Variants in NUDT7 observed in about 807,000 individuals in gnomAD.
NUDT7 encodes nudix hydrolase 7, also known as peroxisomal coenzyme A diphosphatase NUDT7.
Under a neutral mutation model 13.1 loss-of-function variants are expected in NUDT7, and 19 were observed. That is an observed-to-expected ratio of 1.45 (90% CI 1.01 to 2.13). The LOEUF (loss-of-function observed/expected upper bound fraction) is 2.13. NUDT7 is among the 30% of genes most tolerant of loss of function. The pLI, the probability that NUDT7 is intolerant of heterozygous loss-of-function variation, is 0.00. For missense variants in NUDT7, 360 were observed against 291.7 expected, an observed-to-expected ratio of 1.23 and a Z score of -1.71; for synonymous variants, 132 against 109.7, an observed-to-expected ratio of 1.20 and a Z score of -1.27.
chr16:77,738,332 C>T (rs1458307259), intron 3 of NUDT7, among the ~76,000 whole-genome samples: 1 of 152,098 alleles, frequency 6.6e-6, no homozygotes, highest in East Asian at 1.9e-4. Flanking sequence ...TGGGAGATTC[C>T]TGGGGGCCAG....
At position 77,722,587 on chromosome 16, in the gene NUDT7, C is replaced by T; in HGVS notation, c.5C>T (p.Ser2Leu). 6.3e-7 allele frequency: 1 copy of T among 1,592,376 alleles called. No homozygotes were observed. The highest frequency in any genetic ancestry group is 8.6e-7 in the Non-Finnish European group (1 of 1,168,928). MSRLGLPEEPVR... is the reference protein window; with the variant it reads MLRLGLPEEPVR... Reference sequence around the variant, plus strand: ...AAACAAACATTCCCCAGGGCAATGTCACGACTTGGTCTTCCCGAGGAGCCA... The same window carrying T: ...AAACAAACATTCCCCAGGGCAATGTTACGACTTGGTCTTCCCGAGGAGCCA... The change falls in exon 1 of 4, where the codon TCA (serine) becomes TTA (leucine). Residue 2 changes from serine (S) to leucine (L), a missense_variant. Physicochemically the swap from Ser to Leu is moderately radical, Grantham distance 145. Coordinates refer to ENST00000268533, the MANE Select transcript of NUDT7 (RefSeq NM_001105663.3).
intron 2 of NUDT7, among the ~76,000 whole-genome samples, chr16:77,731,931 T>C (rs2014331023): frequency 6.6e-6 from 1 of 152,180 alleles, no homozygotes; most frequent in East Asian, 1.9e-4. Flanking sequence ...GTAATGTATT[T>C]GTGTTTTAAG....
chr16:77,736,651 G>T, intron 3 of NUDT7: 1 of 264,134 alleles, frequency 3.8e-6, no homozygotes, highest in Non-Finnish European at 8.1e-6. Flanking sequence ...TTTTTATAGA[G>T]ATGGGGGTCT....
chr16:77,741,931 A>T lies in NUDT7; in HGVS notation c.698A>T (p.Lys233Ile), dbSNP rs570078669. Residue 233 changes from lysine to isoleucine, a missense_variant, in exon 4 of 4, where the codon AAA (lysine) becomes ATA (isoleucine). Physicochemically the swap from Lys to Ile is moderately radical, Grantham distance 102. Transcript: ENST00000268533. Reference sequence around the variant, plus strand: ...GAGTTATTCCTGAAGGTTCATAAAAAAGCTACAAGCAGGTTATGATTTACT... The same window carrying T: ...GAGTTATTCCTGAAGGTTCATAAAATAGCTACAAGCAGGTTATGATTTACT... ...SEELFLKVHK[K>I]ATSRL 6.2e-6 allele frequency: 10 copies of T among 1,601,326 alleles called. No individual in the cohort carries two copies. The Admixed American group carries it at 1.7e-4, about 27-fold the overall frequency.
intron 2 of NUDT7, 101 bp downstream of exon 2, chr16:77,725,685 G>C: frequency 1.8e-6 from 2 of 1,099,734 alleles, no homozygotes; most frequent in Non-Finnish European, 2.6e-6. Context: ...ATTCTCAAAA[G>C]GGCTTTCAAA....
chr16:77,732,755 A>G (rs2014358169), intron 2 of NUDT7, among the ~76,000 whole-genome samples: 1 of 152,122 alleles, frequency 6.6e-6, no homozygotes, highest in Non-Finnish European at 1.5e-5. Flanking sequence ...CGCCTAATGC[A>G]TTTTTCAGAA....
At chr16:77,728,133 G>T (rs371829404) in intron 2 of NUDT7, among the ~76,000 whole-genome samples, 9 of 152,098 alleles carry the variant, frequency 5.9e-5, no homozygotes, top group Admixed American at 3.9e-4. Flanking sequence ...CAAGCAGGGC[G>T]CTGGTAGGAG....
chr16:77,734,133 C>G (rs74026805), intron 2 of NUDT7, among the ~76,000 whole-genome samples: 2 of 152,040 alleles, frequency 1.3e-5, no homozygotes, highest in Non-Finnish European at 2.9e-5. Flanking sequence ...GATGCCAACA[C>G]AATGCTAATA....
intron 3 of NUDT7, among the ~76,000 whole-genome samples, chr16:77,740,750 G>A (rs1357749607): frequency 1.3e-5 from 2 of 151,840 alleles, no homozygotes; most frequent in Non-Finnish European, 2.9e-5. Flanking sequence ...ATTTCATCAT[G>A]TTGGCTAGGC....
At chr16:77,734,638 G>C (rs1448679633) in intron 2 of NUDT7, among the ~76,000 whole-genome samples, 2 of 152,034 alleles carry the variant, frequency 1.3e-5, no homozygotes, top group Admixed American at 1.3e-4. Flanking sequence ...GAAAAGAAAA[G>C]AGTAGCTTAC....
intron 2 of NUDT7, among the ~76,000 whole-genome samples, chr16:77,733,877 G>A (rs894188775): frequency 1.3e-5 from 2 of 152,172 alleles, no homozygotes; most frequent in African/African-American, 4.8e-5. Flanking sequence ...AGAAATTGAG[G>A]TCACTCTGCT....
At chr16:77,732,067 C>T (rs2014334871) in intron 2 of NUDT7, among the ~76,000 whole-genome samples, 1 of 152,050 alleles carries the variant, frequency 6.6e-6, no homozygotes, top group African/African-American at 2.4e-5. Flanking sequence ...TGGCTTATAC[C>T]TGTAATCCCA....
Position 77,722,571 on chromosome 16 carries a change from T to A in NUDT7, c.-12T>A, listed in dbSNP as rs766942453. 1.9e-5 allele frequency: 30 copies of A among 1,585,822 alleles called. No homozygotes were observed. The highest frequency in any genetic ancestry group is 2.4e-5 in the Non-Finnish European group (28 of 1,165,366). ...CGAGGAGTCCGCCCGGAAACAAACATTCCCCAGGGCAATGTCACGACTTGG... is the reference window on the plus strand; with the variant it reads ...CGAGGAGTCCGCCCGGAAACAAACAATCCCCAGGGCAATGTCACGACTTGG... On this transcript the variant is annotated 5_prime_UTR_variant, in exon 1 of 4. Coordinates refer to ENST00000268533, the MANE Select transcript of NUDT7 (RefSeq NM_001105663.3).
chr16:77,735,762 T>C, intron 2 of NUDT7, 66 bp from the exon 3 acceptor site: 1 of 1,425,848 alleles, frequency 7.0e-7, no homozygotes, highest in Non-Finnish European at 9.7e-7. Flanking sequence ...AGTAAGTATT[T>C]GTTGAATGCA....
intron 1 of NUDT7, 79 bp from the exon 2 acceptor site, chr16:77,725,352 C>T: frequency 7.6e-7 from 1 of 1,318,532 alleles, no homozygotes; most frequent in Non-Finnish European, 1.0e-6. Context: ...CACAACAAAG[C>T]AGAAACAGAG....
chr16:77,736,634 AT>A (rs528196679), intron 3 of NUDT7: 7,128 of 211,936 alleles, frequency 0.034, 58 homozygotes, highest in African/African-American at 0.055. Context: ...TTTCTTTTTT[AT>A]TTTTTTTTTT....
chr16:77,741,768 AACCCTGAAG>A lies in NUDT7; in HGVS notation c.538_546del (p.Pro180_Asp182del). 1 of 1,614,122 alleles carries A rather than the reference AACCCTGAAG, an allele frequency of 6.2e-7. No homozygotes were observed. Among genetic ancestry groups the A allele is most frequent in the African/African-American group, 1.3e-5 (1 of 75,032 alleles). ...TATTAATCATATCTTTGAGTACACAAACCCTGAAGACGGTGTCACTTACCAGATCAAGGG... is the reference window on the plus strand; with the variant it reads ...TATTAATCATATCTTTGAGTACACAAACGGTGTCACTTACCAGATCAAGGG... On this transcript the variant is annotated inframe_deletion, in exon 4 of 4. Transcript: ENST00000268533.
intron 2 of NUDT7, among the ~76,000 whole-genome samples, chr16:77,732,772 C>G (rs2014358840): frequency 6.6e-6 from 1 of 152,020 alleles, no homozygotes; most frequent in Admixed American, 6.6e-5. Context: ...AGAACGTGTC[C>G]CTGTTGTTGA....
At chr16:77,735,693 A>G (rs547037719) in intron 2 of NUDT7, 135 bp from the exon 3 acceptor site, 139 of 784,828 alleles carry the variant, frequency 1.8e-4, no homozygotes, top group Middle Eastern at 3.5e-4. Flanking sequence ...TTTGTGGGCA[A>G]TAGGGGTCTT....
Sources: gnomAD v4.1 joint callset for allele counts (sites outside exome capture counted in the v4.1 genomes callset) on GRCh38, gnomAD v4.1.1 for gene constraint, MANE v1.5 for transcripts, NCBI Gene and HGNC (gene_info 2026-07-23, HGNC 2026-07-21) for gene names.